BABAM2: variants seen among roughly 807,000 people sequenced by gnomAD.
BABAM2 encodes the protein BRISC and BRCA1 A complex member 2.
Under a neutral mutation model 54.7 loss-of-function variants are expected in BABAM2, and 31 were observed. The ratio of observed to expected loss-of-function variants is 0.57; its 90% CI spans 0.43 to 0.77. The LOEUF is 0.77. BABAM2 is among the 30% of genes least tolerant of loss of function. BABAM2 has a pLI of 0.00. For synonymous variants in BABAM2, 167 were observed against 162.9 expected (o/e 1.03, Z -0.19); for missense variants, 364 against 455.8 (o/e 0.80, Z 1.83).
At chr2:28,212,271 C>T (rs1412111604) in intron 7 of BABAM2, among the ~76,000 whole-genome samples, 2 of 152,216 alleles carry the variant, frequency 1.3e-5, no homozygotes, top group South Asian at 2.1e-4. Context: ...TTGAGTGCCT[C>T]CTATGCACCA....
rs182690133 is a variant in BABAM2, at chr2:27,983,612, T to C, written c.206-4381T>C. ...AAACATGAGATGTCTTTCCATTTAT[T>C]TAGGCCTTTTTTAATTTCTTCAAAC... On this transcript the variant is annotated intron_variant, in intron 3 of 11. Coordinates refer to ENST00000379624, the MANE Select transcript of BABAM2 (RefSeq NM_199191.3). 3.3e-5 allele frequency among the ~76,000 whole-genome samples: 5 copies of C among 152,196 alleles called. No individual in the cohort carries two copies. In the East Asian group the frequency reaches 9.7e-4, roughly 29 times the overall value.
chr2:27,937,312 G>A (rs1191696924), intron 3 of BABAM2, among the ~76,000 whole-genome samples: 1 of 152,196 alleles, frequency 6.6e-6, no homozygotes, highest in Non-Finnish European at 1.5e-5. Flanking sequence ...TTTGTTTTTA[G>A]AGACAGGATT....
chr2:28,201,939 C>T (rs113345704), intron 7 of BABAM2, among the ~76,000 whole-genome samples: 6 of 152,098 alleles, frequency 3.9e-5, no homozygotes, highest in African/African-American at 1.4e-4. Flanking sequence ...GATACAGAAC[C>T]GGTGTTCTGT....
intron 7 of BABAM2, among the ~76,000 whole-genome samples, chr2:28,188,355 G>T (rs532820511): frequency 6.6e-6 from 1 of 152,244 alleles, no homozygotes; most frequent in South Asian, 2.1e-4. Flanking sequence ...TGGGGTGGGC[G>T]GAGGGAAGGT....
chr2:28,171,129 A>ATG (rs1558403279), intron 7 of BABAM2, among the ~76,000 whole-genome samples: 1 of 151,592 alleles, frequency 6.6e-6, no homozygotes, highest in African/African-American at 2.4e-5. Context: ...ATATATATAT[A>ATG]TCTTGGAGAT....
At chr2:28,128,645 G>A (rs1669776569) in intron 6 of BABAM2, among the ~76,000 whole-genome samples, 1 of 152,166 alleles carries the variant, frequency 6.6e-6, no homozygotes, top group Non-Finnish European at 1.5e-5. Flanking sequence ...AATCTCAAAT[G>A]TTTATTGGTA....
At chr2:28,132,266 G>A (rs1670151982) in intron 7 of BABAM2, among the ~76,000 whole-genome samples, 1 of 151,726 alleles carries the variant, frequency 6.6e-6, no homozygotes, top group Admixed American at 6.6e-5. Context: ...AGCCTCCCGA[G>A]TAGCTGGGAC....
intron 7 of BABAM2, among the ~76,000 whole-genome samples, chr2:28,234,952 T>C (rs1015267779): frequency 6.6e-6 from 1 of 152,246 alleles, no homozygotes; most frequent in African/African-American, 2.4e-5. Flanking sequence ...AAGGAAATGA[T>C]GGCCTTGCTG....
intron 11 of BABAM2, among the ~76,000 whole-genome samples, chr2:28,334,344 GC>G (rs1157604004): frequency 2.0e-5 from 3 of 152,232 alleles, no homozygotes; most frequent in Admixed American, 6.5e-5. Context: ...TAAGTGGAGG[GC>G]TCCCCGGACC....
chr2:28,053,081 G>T (rs890525889), intron 6 of BABAM2, among the ~76,000 whole-genome samples: 1 of 152,138 alleles, frequency 6.6e-6, no homozygotes, highest in Non-Finnish European at 1.5e-5. Context: ...GCTTGTTAGG[G>T]TGGTATGTAT....
At chr2:28,207,397 A>G (rs1678979481) in intron 7 of BABAM2, among the ~76,000 whole-genome samples, 2 of 151,870 alleles carry the variant, frequency 1.3e-5, no homozygotes, top group South Asian at 2.1e-4. Flanking sequence ...AGCAGCAGCA[A>G]CAACAACAAC....
At chr2:28,333,254 C>G (rs1251373655) in intron 11 of BABAM2, among the ~76,000 whole-genome samples, 1 of 152,170 alleles carries the variant, frequency 6.6e-6, no homozygotes, top group African/African-American at 2.4e-5. Flanking sequence ...CAGTCACTTG[C>G]CCTCATGATC....
chr2:28,113,389 A>G (rs1668314510), intron 6 of BABAM2, among the ~76,000 whole-genome samples: 1 of 152,122 alleles, frequency 6.6e-6, no homozygotes, highest in African/African-American at 2.4e-5. Context: ...CAGTTTTCCC[A>G]ACGCTATGCA....
intron 3 of BABAM2, among the ~76,000 whole-genome samples, chr2:27,970,554 T>C (rs1471080766): frequency 6.6e-6 from 1 of 152,166 alleles, no homozygotes; most frequent in Non-Finnish European, 1.5e-5. Context: ...ACTTCACCCC[T>C]AAGTACTTCA....
chr2:27,972,927 T>G (rs1671328440), intron 3 of BABAM2, among the ~76,000 whole-genome samples: 1 of 151,674 alleles, frequency 6.6e-6, no homozygotes, highest in Admixed American at 6.6e-5. Flanking sequence ...CCCCCACACC[T>G]GGATGATTTT....
At chr2:28,241,684 G>A (rs896335712) in intron 9 of BABAM2, among the ~76,000 whole-genome samples, 4 of 151,716 alleles carry the variant, frequency 2.6e-5, no homozygotes, top group Non-Finnish European at 4.4e-5. Flanking sequence ...TAGTAGAGAC[G>A]GGGTTTCACC....
intron 7 of BABAM2, among the ~76,000 whole-genome samples, chr2:28,136,925 TG>T (rs1454253269): frequency 2.0e-5 from 3 of 152,200 alleles, no homozygotes; most frequent in Non-Finnish European, 4.4e-5. Flanking sequence ...TCGGATAAAT[TG>T]GATCAAATAC....
intron 10 of BABAM2, among the ~76,000 whole-genome samples, chr2:28,250,502 A>G (rs1337595258): frequency 6.6e-6 from 1 of 150,630 alleles, no homozygotes; most frequent in Non-Finnish European, 1.5e-5. Flanking sequence ...TGTCATATAT[A>G]TTACATGTAT....
intron 7 of BABAM2, among the ~76,000 whole-genome samples, chr2:28,187,616 C>T (rs1001914539): frequency 4.6e-5 from 7 of 151,116 alleles, no homozygotes; most frequent in African/African-American, 1.5e-4. Context: ...AACACACTCA[C>T]ATACACAATA....
Sources: gnomAD v4.1 joint callset for allele counts (sites outside exome capture counted in the v4.1 genomes callset) on GRCh38, gnomAD v4.1.1 for gene constraint, MANE v1.5 for transcripts, NCBI Gene and HGNC (gene_info 2026-07-23, HGNC 2026-07-21) for gene names.